Variants in CTNNA2 observed in about 807,000 individuals in gnomAD.
The protein encoded by CTNNA2 is catenin alpha-2.
In CTNNA2, 42 loss-of-function variants were observed where a neutral mutation model predicts 101.0. The ratio of observed to expected loss-of-function variants is 0.42; its 90% CI spans 0.32 to 0.54. The LOEUF (loss-of-function observed/expected upper bound fraction) is 0.54. CTNNA2 is among the 20% of genes least tolerant of loss of function. The pLI, the probability that CTNNA2 is intolerant of heterozygous loss-of-function variation, is 0.14. For synonymous variants in CTNNA2, 450 were observed against 456.4 expected (o/e 0.99, Z 0.18); for missense variants, 871 against 1,223.1 (o/e 0.71, Z 4.29).
chr2:79,968,514 T>A (rs1426895388), intron 7 of CTNNA2, among the ~76,000 whole-genome samples: 1 of 152,120 alleles, frequency 6.6e-6, no homozygotes. Flanking sequence ...CCGTGGTCCA[T>A]TCAGGAAATG....
chr2:79,782,829 C>CA (rs1312715808), intron 3 of CTNNA2, among the ~76,000 whole-genome samples: 8 of 150,914 alleles, frequency 5.3e-5, no homozygotes, highest in African/African-American at 9.7e-5. Flanking sequence ...AATCCATTTC[C>CA]AAAAAAAAGG....
rs534034670 is a variant in CTNNA2, at chr2:80,149,003, A to G, written c.1056+239206A>G. Among the ~76,000 whole-genome samples, 12 of 150,870 alleles carry G rather than the reference A, an allele frequency of 8.0e-5. No individual in the cohort carries two copies. In the South Asian group the frequency reaches 2.5e-3, roughly 32 times the overall value. ...AAAAACAAAACTCAGAAAAGCTTCA[A>G]CCTTCTGACTTATTTTGTTATTTTT... On this transcript the variant is annotated intron_variant, in intron 7 of 18. Transcript: ENST00000402739.
At chr2:80,475,245 T>C (rs1365223130) in intron 9 of CTNNA2, among the ~76,000 whole-genome samples, 1 of 152,180 alleles carries the variant, frequency 6.6e-6, no homozygotes, top group African/African-American at 2.4e-5. Flanking sequence ...GTAAATTGTG[T>C]CATTGTATGT....
chr2:79,875,458 T>C (rs997635604), intron 6 of CTNNA2, among the ~76,000 whole-genome samples: 1 of 152,010 alleles, frequency 6.6e-6, no homozygotes, highest in Non-Finnish European at 1.5e-5. Context: ...AGAAGAAAAA[T>C]AGGTTACTTA....
At chr2:80,585,005 T>C (rs1695856142) in intron 14 of CTNNA2, among the ~76,000 whole-genome samples, 2 of 151,632 alleles carry the variant, frequency 1.3e-5, no homozygotes, top group Admixed American at 1.3e-4. Flanking sequence ...TAACTACTTA[T>C]TATACTGCTT....
At chr2:79,356,715 G>A (rs1242717478) in intron 3 of CTNNA2, among the ~76,000 whole-genome samples, 1 of 152,078 alleles carries the variant, frequency 6.6e-6, no homozygotes, top group Non-Finnish European at 1.5e-5. Flanking sequence ...CAGAAGAAAA[G>A]TCCACCATCT....
At chr2:79,890,937 A>T (rs1380598039) in intron 6 of CTNNA2, among the ~76,000 whole-genome samples, 1 of 146,310 alleles carries the variant, frequency 6.8e-6, no homozygotes, top group East Asian at 2.0e-4. Context: ...CTCTTTTATA[A>T]GGGCACTAAT....
intron 1 of CTNNA2, among the ~76,000 whole-genome samples, chr2:79,552,567 T>A (rs1389394748): frequency 6.6e-6 from 1 of 152,166 alleles, no homozygotes; most frequent in Non-Finnish European, 1.5e-5. Flanking sequence ...AGGTTCTCCC[T>A]GAAGGCTCTG....
At position 79,655,815 on chromosome 2, in the gene CTNNA2, C is replaced by T. The variant is rs539147323; in HGVS notation, c.102+4157C>T. On this transcript the variant is annotated intron_variant, in intron 2 of 18. Coordinates refer to ENST00000402739, the MANE Select transcript of CTNNA2 (RefSeq NM_001282597.3). Reference sequence around the variant, plus strand: ...CTGCACTCTAACCTGGGCGACAGAGCGAGACTCCATCTCAAAAAAAAAAAA... The same window carrying T: ...CTGCACTCTAACCTGGGCGACAGAGTGAGACTCCATCTCAAAAAAAAAAAA... 5.2e-4 allele frequency among the ~76,000 whole-genome samples: 73 copies of T among 141,386 alleles called. No individual in the cohort carries two copies. In the East Asian group the frequency reaches 6.0e-3, roughly 12 times the overall value. The allele number at this position is 141,386 out of a possible 152,430, so 92.8% of individuals were successfully genotyped here.
Position 79,799,022 on chromosome 2 carries a change from C to T in CTNNA2, c.298+54440C>T, listed in dbSNP as rs545820813. 5.9e-5 allele frequency among the ~76,000 whole-genome samples: 9 copies of T among 152,234 alleles called. No homozygotes were observed. In the South Asian group the frequency reaches 1.0e-3, roughly 18 times the overall value. On this transcript the variant is annotated intron_variant, in intron 3 of 18. Coordinates refer to ENST00000402739, the MANE Select transcript of CTNNA2 (RefSeq NM_001282597.3). ...AATTATCCTGCTATAGTACATCTTACTCTCTTTTGTTGTTCTCTCTGGTGA... is the reference window on the plus strand; with the variant it reads ...AATTATCCTGCTATAGTACATCTTATTCTCTTTTGTTGTTCTCTCTGGTGA...
upstream of CTNNA2, among the ~76,000 whole-genome samples, chr2:79,512,129 G>C (rs891892887): frequency 4.6e-5 from 7 of 151,978 alleles, no homozygotes; most frequent in Non-Finnish European, 1.0e-4. Flanking sequence ...CAGCAACATC[G>C]AGTCCCAGCT....
chr2:80,209,628 C>T lies in CTNNA2; in HGVS notation c.1057-183583C>T, dbSNP rs186593918. Among the ~76,000 whole-genome samples, 65 of 152,110 alleles carry T rather than the reference C, an allele frequency of 4.3e-4. 1 individual carries two copies. Among genetic ancestry groups the T allele is most frequent in the African/African-American group, 1.4e-3 (58 of 41,480 alleles). On this transcript the variant is annotated intron_variant, in intron 7 of 18. Transcript: ENST00000402739. ...ACACACACACACACACACACAGACA[C>T]ACCACACGCACACACATACTAAAAA...
chr2:79,351,353 C>A (rs1677382522), intron 3 of CTNNA2, among the ~76,000 whole-genome samples: 1 of 152,136 alleles, frequency 6.6e-6, no homozygotes, highest in Admixed American at 6.6e-5. Flanking sequence ...TAGTTTCATT[C>A]TCCTGCCTGT....
intron 7 of CTNNA2, among the ~76,000 whole-genome samples, chr2:79,981,471 C>T (rs558379262): frequency 6.6e-6 from 1 of 152,140 alleles, no homozygotes; most frequent in East Asian, 1.9e-4. Context: ...AATTTTTCAG[C>T]TATTTTATTT....
intron 14 of CTNNA2, among the ~76,000 whole-genome samples, chr2:80,585,109 C>T (rs1473082949): frequency 2.0e-5 from 3 of 150,834 alleles, no homozygotes; most frequent in South Asian, 2.1e-4. Context: ...ATGTTAGCCT[C>T]TTGCTCTAGG....
At chr2:80,422,756 T>C (rs1178071305) in intron 9 of CTNNA2, among the ~76,000 whole-genome samples, 1 of 152,196 alleles carries the variant, frequency 6.6e-6, no homozygotes, top group African/African-American at 2.4e-5. Context: ...ATGCTTTCCC[T>C]TAAAAAATGA....
At chr2:79,885,005 T>C (rs1008745163) in intron 6 of CTNNA2, among the ~76,000 whole-genome samples, 12 of 152,140 alleles carry the variant, frequency 7.9e-5, no homozygotes, top group African/African-American at 2.9e-4. Context: ...TGTAGGCTTC[T>C]CTGGGTGCAC....
intron 9 of CTNNA2, among the ~76,000 whole-genome samples, chr2:80,490,852 A>G (rs996029699): frequency 6.6e-6 from 1 of 152,164 alleles, no homozygotes; most frequent in Non-Finnish European, 1.5e-5. Context: ...TTCCAATACT[A>G]GAAATATATT....
chr2:80,155,833 T>C (rs1703971641), intron 7 of CTNNA2, among the ~76,000 whole-genome samples: 1 of 152,210 alleles, frequency 6.6e-6, no homozygotes, highest in South Asian at 2.1e-4. Flanking sequence ...CCAGACATTG[T>C]ATTCACATCA....
Sources: gnomAD v4.1 joint callset for allele counts (sites outside exome capture counted in the v4.1 genomes callset) on GRCh38, gnomAD v4.1.1 for gene constraint, MANE v1.5 for transcripts, NCBI Gene and HGNC (gene_info 2026-07-23, HGNC 2026-07-21) for gene names.